CACNB4: variants seen among roughly 807,000 people sequenced by gnomAD.
CACNB4 encodes voltage-dependent L-type calcium channel subunit beta-4.
A neutral mutation model predicts 71.2 loss-of-function variants in CACNB4; 32 were observed. The observed-to-expected ratio is 0.45, with a 90% confidence interval of 0.34 to 0.60. The LOEUF (loss-of-function observed/expected upper bound fraction) is 0.60, where lower values mean the gene tolerates loss of function less well. Ranked by LOEUF, CACNB4 falls within the 20% of genes least tolerant of loss-of-function variation. The pLI is 0.01. For missense variants in CACNB4, 464 were observed against 647.9 expected (o/e 0.72, Z 3.08); for synonymous variants, 231 against 236.9 (o/e 0.97, Z 0.23).
chr2:151,976,363 C>A (rs1406925786), intron 2 of CACNB4, among the ~76,000 whole-genome samples: 1 of 152,210 alleles, frequency 6.6e-6, no homozygotes, highest in Non-Finnish European at 1.5e-5. Context: ...TTCCTTCCCC[C>A]ACTTCCTCCG....
intron 2 of CACNB4, among the ~76,000 whole-genome samples, chr2:151,959,906 G>C (rs1357041351): frequency 6.6e-6 from 1 of 152,130 alleles, no homozygotes; most frequent in East Asian, 1.9e-4. Context: ...GACACACATA[G>C]TTATTCAAAA....
chr2:152,028,748 T>A (rs577058459), intron 2 of CACNB4, among the ~76,000 whole-genome samples: 1 of 152,304 alleles, frequency 6.6e-6, no homozygotes, highest in Admixed American at 6.5e-5. Flanking sequence ...GAGGAGCAGA[T>A]CCTTGCATAC....
intron 2 of CACNB4, among the ~76,000 whole-genome samples, chr2:152,090,918 C>T (rs1687934394): frequency 6.6e-6 from 1 of 151,646 alleles, no homozygotes; most frequent in Non-Finnish European, 1.5e-5. Context: ...TGTTGGCAGT[C>T]CCGTTATCCC....
intron 12 of CACNB4, among the ~76,000 whole-genome samples, chr2:151,849,590 G>C (rs986466678): frequency 5.9e-5 from 9 of 152,070 alleles, no homozygotes; most frequent in Non-Finnish European, 1.2e-4. Flanking sequence ...TGAGTATTTT[G>C]ATAAACAGAA....
rs1404939002 is a variant in CACNB4 at position 151,833,838 on chromosome 2, AAT to A, written c.*5279_*5280del. 6.6e-6 allele frequency: 1 copy of A among 152,126 alleles called. No individual in the cohort carries two copies. The highest frequency in any genetic ancestry group is 1.5e-5 in the Non-Finnish European group (1 of 67,950). 9.4% of individuals were successfully genotyped at this position (152,126 alleles called of 1,614,324 possible). On this transcript the variant is annotated 3_prime_UTR_variant, in exon 14 of 14. Transcript: ENST00000539935. Reference sequence around the variant, plus strand: ...TATATTTTATAATTTTGTACTGTACAATATGTTTTTGCTACATTATTTTTCTA... The same window carrying A: ...TATATTTTATAATTTTGTACTGTACAATGTTTTTGCTACATTATTTTTCTA...
intron 12 of CACNB4, among the ~76,000 whole-genome samples, chr2:151,848,872 C>T (rs539514575): frequency 6.6e-6 from 1 of 152,052 alleles, no homozygotes; most frequent in South Asian, 2.1e-4. Flanking sequence ...TTACACTTGG[C>T]CTTCTTAAAA....
chr2:152,050,743 A>G (rs1197440280), intron 2 of CACNB4, among the ~76,000 whole-genome samples: 1 of 151,916 alleles, frequency 6.6e-6, no homozygotes, highest in Non-Finnish European at 1.5e-5. Context: ...TAATGCAGGC[A>G]TATCCACTTG....
At chr2:151,856,519 G>A (rs1559873974) in intron 10 of CACNB4, 1 of 152,106 alleles carries the variant, frequency 6.6e-6, no homozygotes, top group African/African-American at 2.4e-5. Flanking sequence ...GGCCAGGCTG[G>A]TCTTGAACTC....
At chr2:152,077,134 T>C (rs879259273) in intron 2 of CACNB4, among the ~76,000 whole-genome samples, 1 of 152,084 alleles carries the variant, frequency 6.6e-6, no homozygotes, top group Non-Finnish European at 1.5e-5. Context: ...TAAAAGAACA[T>C]AAAGAGCCGA....
chr2:152,088,317 AG>A (rs1443967425), intron 2 of CACNB4, among the ~76,000 whole-genome samples: 1 of 152,184 alleles, frequency 6.6e-6, no homozygotes, highest in Non-Finnish European at 1.5e-5. Context: ...AAGAAAAAAA[AG>A]GAAGACGATA....
At chr2:152,021,802 C>CT (rs1026134797) in intron 2 of CACNB4, among the ~76,000 whole-genome samples, 2 of 152,136 alleles carry the variant, frequency 1.3e-5, no homozygotes, top group African/African-American at 4.8e-5. Context: ...TTTGATGTTT[C>CT]TTTTTTTCTT....
intron 2 of CACNB4, among the ~76,000 whole-genome samples, chr2:152,084,457 C>A (rs1359008561): frequency 6.6e-6 from 1 of 152,174 alleles, no homozygotes; most frequent in African/African-American, 2.4e-5. Context: ...GAGCTGTGAG[C>A]ACACGTTAAG....
chr2:151,877,204 G>A (rs530300152), intron 4 of CACNB4, among the ~76,000 whole-genome samples: 34 of 151,858 alleles, frequency 2.2e-4, no homozygotes, highest in African/African-American at 8.2e-4. Context: ...AAAGGTCCAA[G>A]TAGTAAATAT....
chr2:151,951,843 A>G (rs2099866979), intron 2 of CACNB4, among the ~76,000 whole-genome samples: 2 of 152,194 alleles, frequency 1.3e-5, no homozygotes. Context: ...AGGCTTTCTG[A>G]GAGAACTTTC....
chr2:151,995,348 A>T (rs891763868), intron 2 of CACNB4, among the ~76,000 whole-genome samples: 4 of 152,240 alleles, frequency 2.6e-5, no homozygotes, highest in Admixed American at 2.6e-4. Context: ...TGAGTGTAAG[A>T]TTTATGGCTC....
intron 2 of CACNB4, among the ~76,000 whole-genome samples, chr2:151,996,411 G>C (rs898028692): frequency 6.6e-6 from 1 of 151,536 alleles, no homozygotes; most frequent in Non-Finnish European, 1.5e-5. Context: ...GAACTCATCG[G>C]GGCTGCAGTG....
At chr2:151,923,708 A>G (rs950643146) in intron 2 of CACNB4, among the ~76,000 whole-genome samples, 4 of 152,224 alleles carry the variant, frequency 2.6e-5, no homozygotes, top group Admixed American at 2.6e-4. Flanking sequence ...AAGAAGAACC[A>G]TAAGACTAAG....
intron 2 of CACNB4, among the ~76,000 whole-genome samples, chr2:151,994,679 G>A (rs1681940828): frequency 6.6e-6 from 1 of 152,198 alleles, no homozygotes; most frequent in African/African-American, 2.4e-5. Context: ...TCTACAGGCT[G>A]CCTCATAGGC....
chr2:151,920,157 T>C (rs1389181248), intron 2 of CACNB4, among the ~76,000 whole-genome samples: 1 of 151,336 alleles, frequency 6.6e-6, no homozygotes, highest in Non-Finnish European at 1.5e-5. Flanking sequence ...ACAATTTCTA[T>C]TTCTATTGTA....
Sources: gnomAD v4.1 joint callset for allele counts (sites outside exome capture counted in the v4.1 genomes callset) on GRCh38, gnomAD v4.1.1 for gene constraint, MANE v1.5 for transcripts, NCBI Gene and HGNC (gene_info 2026-07-23, HGNC 2026-07-21) for gene names.